Variants in PTPRG observed in about 807,000 individuals in gnomAD.
PTPRG encodes the protein protein tyrosine phosphatase receptor type G, also known as receptor-type tyrosine-protein phosphatase gamma.
Under a neutral mutation model 165.3 loss-of-function variants are expected in PTPRG, and 102 were observed. That is an observed-to-expected ratio of 0.62 (90% confidence interval 0.53 to 0.73). The LOEUF (loss-of-function observed/expected upper bound fraction) is 0.73, where lower values mean the gene tolerates loss of function less well. PTPRG is among the 30% of genes least tolerant of loss of function. PTPRG has a pLI of 0.00. For synonymous variants in PTPRG, 675 were observed against 669.5 expected (o/e 1.01, Z -0.13); for missense variants, 1,866 against 1,861.4 (o/e 1.00, Z -0.05).
At chr3:61,612,352 ACCT>A (rs1333716398) in intron 1 of PTPRG, among the ~76,000 whole-genome samples, 1 of 152,116 alleles carries the variant, frequency 6.6e-6, no homozygotes, top group Non-Finnish European at 1.5e-5. Context: ...TCTTTCTGTA[ACCT>A]TTGTCGTGAC....
intron 1 of PTPRG, among the ~76,000 whole-genome samples, chr3:61,568,255 A>G (rs1470248520): frequency 6.6e-6 from 1 of 152,188 alleles, no homozygotes; most frequent in African/African-American, 2.4e-5. Flanking sequence ...TTCTAAGAAC[A>G]TGGGATTGTT....
intron 3 of PTPRG, among the ~76,000 whole-genome samples, chr3:61,997,098 T>A (rs1018484814): frequency 6.6e-6 from 1 of 152,348 alleles, no homozygotes; most frequent in African/African-American, 2.4e-5. Flanking sequence ...TCTCACTCAG[T>A]TTAGCAGTGA....
At chr3:61,914,815 T>A (rs2038894440) in intron 2 of PTPRG, among the ~76,000 whole-genome samples, 1 of 152,174 alleles carries the variant, frequency 6.6e-6, no homozygotes. Flanking sequence ...GAACTCTCCT[T>A]TGATGAGGAG....
In PTPRG at chr3:62,237,748, AC is replaced by A. The variant is rs1701065321; in HGVS notation, c.2376-6057del. ...AAGCCATGCATACTTGCACATTGCT[AC>A]CATCAGGGCTTCAGACACTGTACAG... On this transcript the variant is annotated intron_variant, in intron 14 of 29. Coordinates refer to ENST00000474889, the MANE Select transcript of PTPRG (RefSeq NM_002841.4). This position sits in a 1 kb window ranked among gnomAD's most constrained non-coding sequence, Gnocchi z 4.5. Among the ~76,000 whole-genome samples, 1 of 152,188 alleles carries A rather than the reference AC, an allele frequency of 6.6e-6. No individual in the cohort carries two copies. Among genetic ancestry groups the A allele is most frequent in the South Asian group, 2.1e-4 (1 of 4,828 alleles).
chr3:61,701,190 A>G (rs1012256074), intron 1 of PTPRG, among the ~76,000 whole-genome samples: 1 of 152,100 alleles, frequency 6.6e-6, no homozygotes, highest in Non-Finnish European at 1.5e-5. Flanking sequence ...TGTGGTGATT[A>G]ATTAGGTTGC....
chr3:61,702,806 G>A (rs547098123), intron 1 of PTPRG, among the ~76,000 whole-genome samples: 2 of 152,164 alleles, frequency 1.3e-5, no homozygotes, highest in East Asian at 3.9e-4. Flanking sequence ...AAATTCACAC[G>A]TGATGTTGTG....
In PTPRG at chr3:61,929,687, G is replaced by A. The variant is rs188549129; in HGVS notation, c.191-59938G>A. On this transcript the variant is annotated intron_variant, in intron 2 of 29. Transcript: ENST00000474889. ...GAGCACAGGTTGTTTATGAGCCGTCGTGTCGGCATCACACTTCAGAGTCGG... is the reference window on the plus strand; with the variant it reads ...GAGCACAGGTTGTTTATGAGCCGTCATGTCGGCATCACACTTCAGAGTCGG... Among the ~76,000 whole-genome samples, 8 of 152,328 alleles carry A rather than the reference G, an allele frequency of 5.3e-5. No homozygotes were observed. The East Asian group carries it at 1.3e-3, about 26-fold the overall frequency.
chr3:61,679,914 T>G (rs939547849), intron 1 of PTPRG, among the ~76,000 whole-genome samples: 24 of 152,206 alleles, frequency 1.6e-4, no homozygotes, highest in Non-Finnish European at 1.9e-4. Flanking sequence ...GTAAAAATCT[T>G]GACACCTTAC....
At chr3:62,025,137 G>A (rs2041777776) in intron 4 of PTPRG, among the ~76,000 whole-genome samples, 1 of 152,172 alleles carries the variant, frequency 6.6e-6, no homozygotes, top group Admixed American at 6.5e-5. Context: ...GCAACAGGGA[G>A]TGGGATGAAA....
intron 2 of PTPRG, among the ~76,000 whole-genome samples, chr3:61,813,427 A>G (rs1228748433): frequency 6.6e-6 from 1 of 150,534 alleles, no homozygotes; most frequent in Non-Finnish European, 1.5e-5. Flanking sequence ...AGGCACCGAG[A>G]ACCACTTGAA....
chr3:61,680,827 T>C lies in PTPRG; in HGVS notation c.86-68051T>C, dbSNP rs1043835951. On this transcript the variant is annotated intron_variant, in intron 1 of 29. Transcript: ENST00000474889. ...GGGTTATTGGCACCCGGTTGGTGTT[T>C]GGTGCCTGCTGTGTAACTTGCTGGG... Among the ~76,000 whole-genome samples the C allele has an allele frequency of 7.6e-5, 8 of 105,460 alleles. 4 individuals are homozygous for C. Among genetic ancestry groups the C allele is most frequent in the Non-Finnish European group, 1.8e-4 (8 of 44,392 alleles). The allele number at this position is 105,460 out of a possible 152,430, so 69.2% of individuals were successfully genotyped here.
At chr3:61,996,258 C>T (rs1460173294) in intron 3 of PTPRG, among the ~76,000 whole-genome samples, 1 of 152,072 alleles carries the variant, frequency 6.6e-6, no homozygotes, top group Admixed American at 6.5e-5. Context: ...ATGAATGATT[C>T]CCCAAATGTA....
Position 62,286,438 on chromosome 3 carries a change from C to T in PTPRG, c.4055+3569C>T, listed in dbSNP as rs374706249. Among the ~76,000 whole-genome samples the T allele has an allele frequency of 5.3e-5, 8 of 151,912 alleles. No homozygotes were observed. The South Asian group carries it at 8.3e-4, about 16-fold the overall frequency. On this transcript the variant is annotated intron_variant, in intron 28 of 29. Coordinates refer to ENST00000474889, the MANE Select transcript of PTPRG (RefSeq NM_002841.4). ...ATCTTGGTTATGATTTTAAAAACAA[C>T]GTATTAAAAGCTACAATAATAAGTA...
chr3:61,965,798 CAG>C (rs1457563538), intron 2 of PTPRG, among the ~76,000 whole-genome samples: 3 of 152,212 alleles, frequency 2.0e-5, no homozygotes, highest in Non-Finnish European at 2.9e-5. Flanking sequence ...AACAAGGAAA[CAG>C]ATGAAGAGTT....
At chr3:61,648,865 T>C (rs1441798522) in intron 1 of PTPRG, among the ~76,000 whole-genome samples, 1 of 152,242 alleles carries the variant, frequency 6.6e-6, no homozygotes, top group Non-Finnish European at 1.5e-5. Flanking sequence ...AATCTCCACT[T>C]TAAAGATTCT....
At chr3:62,085,086 T>G (rs1047213140) in intron 5 of PTPRG, among the ~76,000 whole-genome samples, 1 of 152,204 alleles carries the variant, frequency 6.6e-6, no homozygotes, top group African/African-American at 2.4e-5. Flanking sequence ...TCCTCTTCTT[T>G]TTGTATACCA....
intron 2 of PTPRG, among the ~76,000 whole-genome samples, chr3:61,821,391 TATCTCCTGACCTCGTG>T (rs1279905422): frequency 6.6e-6 from 1 of 152,118 alleles, no homozygotes. Flanking sequence ...GGATGGTCTC[TATCTCCTGACCTCGTG>T]ATCCACCCGC....
chr3:62,156,969 C>A, intron 6 of PTPRG, 98 bp from the exon 7 acceptor site: 2 of 1,083,674 alleles, frequency 1.8e-6, no homozygotes, highest in Non-Finnish European at 2.8e-6. Flanking sequence ...ATAAGGCTTG[C>A]GATGTGGCAC....
intron 2 of PTPRG, among the ~76,000 whole-genome samples, chr3:61,895,639 T>G (rs2038335319): frequency 6.6e-6 from 1 of 152,206 alleles, no homozygotes; most frequent in African/African-American, 2.4e-5. Flanking sequence ...AAGTCAAGTT[T>G]TGTGTTTCGA....
Sources: allele counts gnomAD v4.1 joint callset (sites outside exome capture counted in the v4.1 genomes callset), GRCh38; gene constraint gnomAD v4.1.1; non-coding constraint Gnocchi (gnomAD v3.1); transcripts MANE v1.5; gene names NCBI Gene and HGNC (gene_info 2026-07-23, HGNC 2026-07-21).